The following ADGRF3 variants were observed in gnomAD, a reference collection of about 807,000 sequenced individuals.
ADGRF3 encodes the protein adhesion G protein-coupled receptor F3.
Under a neutral mutation model 93.2 loss-of-function variants are expected in ADGRF3, and 85 were observed. The observed-to-expected ratio is 0.91, with a 90% confidence interval of 0.77 to 1.09. ADGRF3 has a LOEUF of 1.09. Among genes scored for constraint, ADGRF3 ranks in the 50% least tolerant of loss-of-function variants. The probability of loss-of-function intolerance (pLI) is 0.00; values close to 1 mark genes in which losing one functional copy is unlikely to be tolerated. For missense variants in ADGRF3, 1,125 were observed against 1,246.2 expected (o/e 0.90, Z 1.46); for synonymous variants, 534 against 532.5 (o/e 1.00, Z -0.04).
In ADGRF3 at chr2:26,316,400, C is replaced by T. The variant is rs1674678153; in HGVS notation, c.374G>A (p.Gly125Asp). 2 of 1,551,736 alleles carry T rather than the reference C, an allele frequency of 1.3e-6. No individual in the cohort carries two copies. Among genetic ancestry groups the T allele is most frequent in the Non-Finnish European group, 1.7e-6 (2 of 1,147,002 alleles). ...GCAGATGCTGGTGTTCCACTGGTAGCCAGAGAGGCAAGCACAATAGAAATT... is the reference window on the plus strand; with the variant it reads ...GCAGATGCTGGTGTTCCACTGGTAGTCAGAGAGGCAAGCACAATAGAAATT... The part of the protein sequence containing the change: ...KGNFYCACLS[G>D]YQWNTSICLH... The change falls in exon 4 of 14, where the codon GGC becomes GAC. Residue 125 changes from glycine to aspartate, a missense_variant. Physicochemically the swap from Gly to Asp is moderately conservative, Grantham distance 94. Coordinates refer to ENST00000651242, the MANE Select transcript of ADGRF3 (RefSeq NM_001321971.2).
intron 1 of ADGRF3, among the ~76,000 whole-genome samples, chr2:26,338,533 G>T (rs925934753): frequency 2.0e-5 from 3 of 152,124 alleles, no homozygotes; most frequent in Non-Finnish European, 2.9e-5. Flanking sequence ...CACGATCTCG[G>T]CTCACTGCAA....
At chr2:26,316,800 C>A in intron 3 of ADGRF3, 112 bp downstream of exon 3, 1 of 1,220,080 alleles carries the variant, frequency 8.2e-7, no homozygotes, top group South Asian at 1.6e-5. Flanking sequence ...AACCAGGCAG[C>A]CCTTCCTCCA....
At chr2:26,322,694 T>C (rs538696555) in intron 1 of ADGRF3, among the ~76,000 whole-genome samples, 62 of 152,304 alleles carry the variant, frequency 4.1e-4, no homozygotes, top group African/African-American at 1.5e-3. Flanking sequence ...CCTTAGGTAA[T>C]ATTTGTATCA....
At position 26,316,818 on chromosome 2, in the gene ADGRF3, C is replaced by G. The variant is rs1313169955; in HGVS notation, c.325+94G>C. On this transcript the variant is annotated intron_variant, in intron 3 of 13. Transcript: ENST00000651242. ...CAGGCAGCCCTTCCTCCAGGAAATA[C>G]AGAGGGGCTCACAGAGTCTCAGGCA... The G allele has an allele frequency of 3.6e-6, 5 of 1,373,794 alleles. No individual in the cohort carries two copies. The East Asian group carries it at 7.2e-5, about 20-fold the overall frequency. 85.1% of individuals were successfully genotyped at this position (1,373,794 alleles called of 1,614,324 possible). A position where few individuals can be genotyped will look rare whatever the true frequency, so the allele number is the denominator to read the frequency against.
Position 26,346,715 on chromosome 2 carries a change from G to C in ADGRF3, c.-481C>G, listed in dbSNP as rs72811769. On this transcript the variant is annotated 5_prime_UTR_variant, in exon 1 of 14. Transcript: ENST00000651242. Reference sequence around the variant, plus strand: ...GTTTGGCAGATGAGGCCCGGGAGGGGAGCGACTTGCCGATGCCATCCTGCT... The same window carrying C: ...GTTTGGCAGATGAGGCCCGGGAGGGCAGCGACTTGCCGATGCCATCCTGCT... 2,812 of 156,984 alleles carry C rather than the reference G, an allele frequency of 0.018. 39 individuals are homozygous for C. Among genetic ancestry groups the C allele is most frequent in the Middle Eastern group, 0.044 (14 of 316 alleles). 9.7% of individuals were successfully genotyped at this position (156,984 alleles called of 1,614,324 possible). A position where few individuals can be genotyped will look rare whatever the true frequency, so the allele number is the denominator to read the frequency against.
At chr2:26,313,295 GA>G in intron 8 of ADGRF3, 81 bp downstream of exon 8, 4 of 1,442,654 alleles carry the variant, frequency 2.8e-6, no homozygotes, top group African/African-American at 1.4e-5. Flanking sequence ...GGGCCTTGGG[GA>G]AAAGGGTCTG....
In ADGRF3 at chr2:26,308,950, G is replaced by T; in HGVS notation, c.*136C>A. On this transcript the variant is annotated 3_prime_UTR_variant, in exon 14 of 14. Coordinates refer to ENST00000651242, the MANE Select transcript of ADGRF3 (RefSeq NM_001321971.2). ...TGTAAGATAAATGAGTGTCACTAAG[G>T]GAAATATAAGCCTGCCTTTCTCAAG... is the stretch of plus-strand genomic sequence containing the variant. 2.6e-6 allele frequency: 3 copies of T among 1,146,152 alleles called. No homozygotes were observed. The highest frequency in any genetic ancestry group is 3.9e-6 in the Non-Finnish European group (3 of 768,344). The allele number at this position is 1,146,152 out of a possible 1,614,324, so 71.0% of individuals were successfully genotyped here. A position where few individuals can be genotyped will look rare whatever the true frequency, so the allele number is the denominator to read the frequency against.
chr2:26,330,801 G>A (rs1675726990), intron 1 of ADGRF3, among the ~76,000 whole-genome samples: 1 of 152,124 alleles, frequency 6.6e-6, no homozygotes, highest in Non-Finnish European at 1.5e-5. Context: ...TCAGGCCAGT[G>A]CATACCAGAA....
intron 1 of ADGRF3, among the ~76,000 whole-genome samples, chr2:26,335,065 T>C (rs1287213368): frequency 6.6e-6 from 1 of 152,220 alleles, no homozygotes; most frequent in African/African-American, 2.4e-5. Context: ...TGAGATAAAA[T>C]TCACCCTTTT....
chr2:26,324,711 T>C (rs1249169494), intron 1 of ADGRF3, among the ~76,000 whole-genome samples: 4 of 152,240 alleles, frequency 2.6e-5, no homozygotes, highest in African/African-American at 7.2e-5. Flanking sequence ...ATTTTCTTTA[T>C]CCAGTCTATC....
At chr2:26,344,168 G>A (rs1041179236) in intron 1 of ADGRF3, among the ~76,000 whole-genome samples, 2 of 151,954 alleles carry the variant, frequency 1.3e-5, no homozygotes, top group African/African-American at 4.8e-5. Flanking sequence ...TTTTTGAGAC[G>A]GAGTCTTGCT....
intron 1 of ADGRF3, among the ~76,000 whole-genome samples, chr2:26,327,485 G>C (rs1270833336): frequency 2.0e-5 from 3 of 151,984 alleles, no homozygotes; most frequent in Non-Finnish European, 4.4e-5. Flanking sequence ...GAAAAACCAA[G>C]GATGCTGTAT....
intron 9 of ADGRF3, among the ~76,000 whole-genome samples, chr2:26,312,334 T>G (rs1203174379): frequency 6.6e-6 from 1 of 152,144 alleles, no homozygotes; most frequent in Non-Finnish European, 1.5e-5. Flanking sequence ...CTGAAAACCC[T>G]TCTTCCCCCT....
intron 1 of ADGRF3, among the ~76,000 whole-genome samples, chr2:26,340,090 G>A (rs571192931): frequency 5.3e-4 from 80 of 152,140 alleles, no homozygotes; most frequent in African/African-American, 1.8e-3. Context: ...TGAGCATCCC[G>A]ACCTGTGTTC....
chr2:26,339,139 C>CAAA (rs1676228849), intron 1 of ADGRF3, among the ~76,000 whole-genome samples: 2 of 119,198 alleles, frequency 1.7e-5, no homozygotes, highest in Non-Finnish European at 1.8e-5. Flanking sequence ...AAAAAAAAAG[C>CAAA]AAAGCAAAGA....
At chr2:26,313,215 A>G (rs1674348237) in intron 8 of ADGRF3, 93 bp from the exon 9 acceptor site, 2 of 1,505,136 alleles carry the variant, frequency 1.3e-6, no homozygotes, top group African/African-American at 1.4e-5. Flanking sequence ...TGACCCCCAG[A>G]AGCCCTCTCA....
intron 1 of ADGRF3, among the ~76,000 whole-genome samples, chr2:26,332,614 C>T (rs940273510): frequency 2.6e-5 from 4 of 152,054 alleles, no homozygotes; most frequent in Admixed American, 1.3e-4. Flanking sequence ...GTGGTATGTG[C>T]CTGTAGTCCC....
intron 9 of ADGRF3, 117 bp downstream of exon 9, chr2:26,312,826 G>C: frequency 1.1e-6 from 1 of 924,970 alleles, no homozygotes; most frequent in Non-Finnish European, 1.6e-6. Context: ...CTGGACTCTG[G>C]AAAGGTCTGC....
rs1558382485 is a variant in ADGRF3, at chr2:26,313,096, A to T, written c.1296T>A (p.Pro432=). The T allele has an allele frequency of 2.5e-6, 4 of 1,613,964 alleles. No individual in the cohort carries two copies. Among genetic ancestry groups the T allele is most frequent in the Non-Finnish European group, 3.4e-6 (4 of 1,179,878 alleles). The stretch of plus-strand genomic sequence containing the variant: ...CCAGGATCTGTGGCACCTCCTCAGC[A>T]GGACTGCCCTGGCCTGCCTGCAGCA... ...TKLLQAGQGS[P]AEEVPQILAQ... is the part of the protein sequence containing the mutation. The change falls in exon 9 of 14, where the codon CCT becomes CCA. Residue 432 remains proline, a synonymous_variant. Coordinates refer to ENST00000651242, the MANE Select transcript of ADGRF3 (RefSeq NM_001321971.2).
Sources: gnomAD v4.1 joint callset for allele counts (sites outside exome capture counted in the v4.1 genomes callset) on GRCh38, gnomAD v4.1.1 for gene constraint, MANE v1.5 for transcripts, NCBI Gene and HGNC (gene_info 2026-07-23, HGNC 2026-07-21) for gene names.